The following SCAMP1 variants were observed in gnomAD, a reference collection of about 807,000 sequenced individuals.
SCAMP1 encodes the protein secretory carrier-associated membrane protein 1.
In SCAMP1, 15 loss-of-function variants were observed where a neutral mutation model predicts 41.8. The ratio of observed to expected loss-of-function variants is 0.36; its 90% CI spans 0.24 to 0.55. The LOEUF (loss-of-function observed/expected upper bound fraction) is 0.55, where lower values mean the gene tolerates loss of function less well. Among genes scored for constraint, SCAMP1 ranks in the 20% least tolerant of loss-of-function variants. The pLI is 0.86. For synonymous variants in SCAMP1, 135 were observed against 136.8 expected (o/e 0.99, Z 0.09); for missense variants, 341 against 412.6 (o/e 0.83, Z 1.50).
In SCAMP1 at chr5:78,457,848, G is replaced by A. The variant is rs564666607; in HGVS notation, c.735-1397G>A. ...TAGCAATCAGCGAGACTCCGTGGGC[G>A]TAGGACCCTCCGAGCCAGGTGCAGG... On this transcript the variant is annotated intron_variant, in intron 7 of 8. Coordinates refer to ENST00000621999, the MANE Select transcript of SCAMP1 (RefSeq NM_004866.6). 32 of 158,004 alleles carry A rather than the reference G, an allele frequency of 2.0e-4. 1 individual carries two copies. Among genetic ancestry groups the A allele is most frequent in the South Asian group, 3.9e-4 (2 of 5,110 alleles). The allele number at this position is 158,004 out of a possible 1,614,324, so 9.8% of individuals were successfully genotyped here.
chr5:78,398,584 C>T (rs1345676131), intron 2 of SCAMP1, among the ~76,000 whole-genome samples: 2 of 115,104 alleles, frequency 1.7e-5, no homozygotes, highest in Non-Finnish European at 3.3e-5. Context: ...CAGAGTCTTG[C>T]TCTGTCGCCC....
intron 2 of SCAMP1, among the ~76,000 whole-genome samples, chr5:78,401,045 T>G (rs2112109715): frequency 6.6e-6 from 1 of 152,328 alleles, no homozygotes; most frequent in Middle Eastern, 3.4e-3. Flanking sequence ...GGTTTTATTA[T>G]GCATGTGTGT....
intron 2 of SCAMP1, 41 bp downstream of exon 2, chr5:78,388,955 A>T (rs771262174): frequency 2.0e-6 from 2 of 1,008,970 alleles, no homozygotes; most frequent in Non-Finnish European, 3.0e-6. Flanking sequence ...ATTGAAATTC[A>T]GTAGGAATTC....
intron 2 of SCAMP1, among the ~76,000 whole-genome samples, chr5:78,414,213 CTGTT>C: frequency 6.6e-6 from 1 of 151,256 alleles, no homozygotes. Context: ...AAATCTGTGT[CTGTT>C]GAAAAAAAGG....
At chr5:78,440,876 A>G (rs926797276) in intron 6 of SCAMP1, among the ~76,000 whole-genome samples, 2 of 152,164 alleles carry the variant, frequency 1.3e-5, no homozygotes, top group South Asian at 2.1e-4. Flanking sequence ...GCTTCCCAGC[A>G]GCTTTCTTTA....
At chr5:78,391,456 G>T (rs572847959) in intron 2 of SCAMP1, among the ~76,000 whole-genome samples, 1 of 151,784 alleles carries the variant, frequency 6.6e-6, no homozygotes, top group Non-Finnish European at 1.5e-5. Context: ...CCTGGCGGGG[G>T]CTGACCCCCA....
intron 2 of SCAMP1, among the ~76,000 whole-genome samples, chr5:78,410,117 C>CTT (rs113666677): frequency 7.0e-5 from 10 of 142,532 alleles, no homozygotes; most frequent in African/African-American, 1.0e-4. Flanking sequence ...AACTCTTTTT[C>CTT]TTTTTTTTTT....
intron 6 of SCAMP1, among the ~76,000 whole-genome samples, chr5:78,442,957 A>G (rs1752963262): frequency 6.6e-6 from 1 of 152,240 alleles, no homozygotes; most frequent in African/African-American, 2.4e-5. Flanking sequence ...CTGTAATCCC[A>G]GCACTTTGGG....
chr5:78,407,144 C>T (rs764041607), intron 2 of SCAMP1, among the ~76,000 whole-genome samples: 2 of 152,164 alleles, frequency 1.3e-5, no homozygotes, highest in African/African-American at 2.4e-5. Flanking sequence ...ATGGAGTGCC[C>T]AGTGAGATAG....
chr5:78,451,305 A>G lies in SCAMP1; in HGVS notation c.734+1271A>G, dbSNP rs1444993117. Among the ~76,000 whole-genome samples the G allele has an allele frequency of 2.6e-5, 4 of 152,238 alleles. No homozygotes were observed. The East Asian group carries it at 7.7e-4, about 29-fold the overall frequency. Reference sequence around the variant, plus strand: ...CACATACAATCATAATAAATAACACAGAAATCTCAGGTACCCTTTATCCTG... The same window carrying G: ...CACATACAATCATAATAAATAACACGGAAATCTCAGGTACCCTTTATCCTG... On this transcript the variant is annotated intron_variant, in intron 7 of 8. Transcript: ENST00000621999.
At chr5:78,458,147 G>C (rs1753480574) in intron 7 of SCAMP1, among the ~76,000 whole-genome samples, 1 of 152,242 alleles carries the variant, frequency 6.6e-6, no homozygotes, top group Admixed American at 6.5e-5. Flanking sequence ...CCCGTCTTCT[G>C]CGTCGCTCTC....
intron 6 of SCAMP1, among the ~76,000 whole-genome samples, chr5:78,447,954 C>T (rs1753099857): frequency 1.7e-5 from 1 of 59,234 alleles, no homozygotes; most frequent in East Asian, 5.7e-4. Flanking sequence ...CCCCTCTTTC[C>T]CTGTCCTCCC....
chr5:78,391,315 CT>C (rs1184045230), intron 2 of SCAMP1, among the ~76,000 whole-genome samples: 1 of 148,086 alleles, frequency 6.8e-6, no homozygotes, highest in African/African-American at 2.5e-5. Context: ...GACGGGGCGG[CT>C]GGCCGGGCAG....
chr5:78,362,895 C>CTT (rs397962842), intron 1 of SCAMP1, among the ~76,000 whole-genome samples: 3,078 of 136,546 alleles, frequency 0.023, 64 homozygotes, highest in East Asian at 0.082. Context: ...TCTTTTTTTA[C>CTT]TTTTTTTTTT....
intron 8 of SCAMP1, among the ~76,000 whole-genome samples, chr5:78,470,727 G>C (rs769650779): frequency 3.3e-5 from 5 of 152,052 alleles, no homozygotes; most frequent in Non-Finnish European, 1.5e-5. Flanking sequence ...TTAGGTTTTT[G>C]AGGCACCTCC....
intron 1 of SCAMP1, chr5:78,370,892 T>C (rs1750928237): frequency 6.6e-6 from 1 of 152,188 alleles, no homozygotes; most frequent in Non-Finnish European, 1.5e-5. Flanking sequence ...AGTGGTATCT[T>C]GTGGTTTTGA....
intron 1 of SCAMP1, among the ~76,000 whole-genome samples, chr5:78,365,115 G>T (rs1750760791): frequency 6.6e-6 from 1 of 152,142 alleles, no homozygotes; most frequent in African/African-American, 2.4e-5. Flanking sequence ...TTAGCATATA[G>T]TAAGAGCTTA....
chr5:78,479,239 C>A lies in SCAMP1; in HGVS notation c.*3571C>A, dbSNP rs969356037. On this transcript the variant is annotated 3_prime_UTR_variant, in exon 9 of 9. Transcript: ENST00000621999. ...AGGAAAATGTTTAGAGGAATTTGTT[C>A]ATTTCATGTGATTAAGCCCTTTAGA... Among the ~76,000 whole-genome samples the A allele has an allele frequency of 6.6e-6, 1 of 151,986 alleles. No homozygotes were observed. Among genetic ancestry groups the A allele is most frequent in the Non-Finnish European group, 1.5e-5 (1 of 67,984 alleles).
At chr5:78,461,630 C>T (rs1231693910) in intron 8 of SCAMP1, among the ~76,000 whole-genome samples, 3 of 152,044 alleles carry the variant, frequency 2.0e-5, no homozygotes, top group East Asian at 1.9e-4. Flanking sequence ...GGCACAATCT[C>T]GGCTCACTGC....
Sources: gnomAD v4.1 joint callset for allele counts (sites outside exome capture counted in the v4.1 genomes callset) on GRCh38, gnomAD v4.1.1 for gene constraint, MANE v1.5 for transcripts, NCBI Gene and HGNC (gene_info 2026-07-23, HGNC 2026-07-21) for gene names.